The following FBXL13 variants were observed in gnomAD, a reference collection of about 807,000 sequenced individuals.
The protein encoded by FBXL13 is F-box and leucine rich repeat protein 13.
Under a neutral mutation model 83.6 loss-of-function variants are expected in FBXL13, and 67 were observed. The ratio of observed to expected loss-of-function variants is 0.80; its 90% CI spans 0.66 to 0.98. FBXL13 has a LOEUF of 0.98. Ranked by LOEUF, FBXL13 falls within the 50% of genes least tolerant of loss-of-function variation. The pLI is 0.00. For missense variants in FBXL13, 822 were observed against 866.5 expected (o/e 0.95, Z 0.64); for synonymous variants, 272 against 299.5 (o/e 0.91, Z 0.95).
intron 6 of FBXL13, among the ~76,000 whole-genome samples, chr7:102,974,525 G>A (rs769445475): frequency 1.3e-5 from 2 of 151,968 alleles, no homozygotes; most frequent in Non-Finnish European, 2.9e-5. Context: ...TAGAACATTC[G>A]ACTTTACAAT....
At chr7:102,938,459 A>G (rs1457831327) in intron 8 of FBXL13, among the ~76,000 whole-genome samples, 6 of 152,248 alleles carry the variant, frequency 3.9e-5, no homozygotes, top group Admixed American at 2.6e-4. Flanking sequence ...AAATGGGGAA[A>G]TTACCTGGAG....
chr7:102,911,497 G>A (rs1814673995), intron 11 of FBXL13, among the ~76,000 whole-genome samples: 1 of 152,004 alleles, frequency 6.6e-6, no homozygotes, highest in Non-Finnish European at 1.5e-5. Flanking sequence ...TTGGGCCATT[G>A]GCATTTGCTA....
Position 102,861,065 on chromosome 7 carries a change from T to C in FBXL13, c.1636-6205A>G, listed in dbSNP as rs1002803015. Among the ~76,000 whole-genome samples the C allele has an allele frequency of 6.6e-5, 10 of 151,994 alleles. 1 individual carries two copies. Among genetic ancestry groups the C allele is most frequent in the Non-Finnish European group, 1.5e-5 (1 of 67,990 alleles). On this transcript the variant is annotated intron_variant, in intron 16 of 19. Coordinates refer to ENST00000313221, the Ensembl canonical transcript of FBXL13. ...ACTTGAAAATAAGTTTCAGATATCA[T>C]GATGCTTTATCCCTAAATATTTCAT...
In FBXL13 at chr7:102,813,394, A is replaced by T; in HGVS notation, c.2156T>A (p.Leu719Ter). ...TGTTGACTTTTTCACTGTTAATTCTAAGGCTCCTTTAGATGATGTTATGTT... is the reference window on the plus strand; with the variant it reads ...TGTTGACTTTTTCACTGTTAATTCTTAGGCTCCTTTAGATGATGTTATGTT... The change falls in exon 20 of 20, where the codon TTA (leucine) becomes TAA (stop). Residue 719 changes from leucine to a stop codon, truncating the protein, a stop_gained. Transcript: ENST00000313221. LOFTEE classifies it low-confidence loss of function (END_TRUNC). The T allele has an allele frequency of 6.2e-7, 1 of 1,614,032 alleles. No individual in the cohort carries two copies. Among genetic ancestry groups the T allele is most frequent in the African/African-American group, 1.3e-5 (1 of 75,014 alleles).
intron 6 of FBXL13, among the ~76,000 whole-genome samples, chr7:102,981,100 T>G (rs919255678): frequency 6.6e-6 from 1 of 152,166 alleles, no homozygotes; most frequent in Admixed American, 6.5e-5. Context: ...TTGTACCTAC[T>G]GTACTTGTAG....
At chr7:103,028,616 C>T (rs1163271612) in exon 4 of FBXL13, 1 of 1,572,688 alleles carries the variant, frequency 6.4e-7, no homozygotes. Flanking sequence ...GTTTTTCTTT[C>T]TGGTCTTCCA....
At chr7:102,946,573 C>CAA (rs10658185) in intron 8 of FBXL13, among the ~76,000 whole-genome samples, 149,152 of 152,280 alleles carry the variant, frequency 0.98, 73,145 homozygotes, top group East Asian at 1. Context: ...TTACAGGAAA[C>CAA]AGAGAATGGG....
At chr7:102,891,665 TA>T (rs201764270) in intron 11 of FBXL13, among the ~76,000 whole-genome samples, 16 of 151,740 alleles carry the variant, frequency 1.1e-4, no homozygotes, top group East Asian at 3.9e-4. Flanking sequence ...AACCAAACAT[TA>T]AAAAAAAATT....
exon 9 of FBXL13, chr7:102,931,908 C>G: frequency 1.9e-6 from 3 of 1,613,590 alleles, no homozygotes; most frequent in Non-Finnish European, 2.5e-6. Context: ...CAGAGACATT[C>G]AACTCTTGCA....
At chr7:102,954,062 A>G (rs1180454664) in intron 8 of FBXL13, among the ~76,000 whole-genome samples, 5 of 152,154 alleles carry the variant, frequency 3.3e-5, no homozygotes, top group Non-Finnish European at 5.9e-5. Flanking sequence ...TACCTGGTTC[A>G]TCTCACTGGG....
intron 16 of FBXL13, among the ~76,000 whole-genome samples, chr7:102,875,599 G>A (rs906177385): frequency 2.0e-5 from 3 of 152,070 alleles, no homozygotes; most frequent in African/African-American, 4.8e-5. Flanking sequence ...TCCTGTGCTC[G>A]TCATTGTATC....
chr7:102,954,744 A>G (rs1005305865), intron 8 of FBXL13, among the ~76,000 whole-genome samples: 1 of 152,166 alleles, frequency 6.6e-6, no homozygotes, highest in Non-Finnish European at 1.5e-5. Context: ...TTGCCATCCT[A>G]CTCACTGATA....
intron 14 of FBXL13, among the ~76,000 whole-genome samples, chr7:102,880,484 A>G (rs1443763012): frequency 6.6e-6 from 1 of 152,140 alleles, no homozygotes. Flanking sequence ...TGTTTCTAAA[A>G]GTTAGGTTTT....
rs560309570 is a variant in FBXL13 at position 103,004,872 on chromosome 7, G to A, written c.495+20191C>T. Among the ~76,000 whole-genome samples the A allele has an allele frequency of 7.9e-5, 12 of 152,260 alleles. No individual in the cohort carries two copies. In the South Asian group the frequency reaches 2.3e-3, roughly 29 times the overall value. On this transcript the variant is annotated intron_variant, in intron 6 of 19. Coordinates refer to ENST00000313221, the Ensembl canonical transcript of FBXL13. ...AGAGGGGGAGAGTGAAGGCCAGACT[G>A]GTTCTACTCTGCCAGTTTGGAGACG...
At chr7:102,960,387 C>A (rs1385813261) in intron 8 of FBXL13, among the ~76,000 whole-genome samples, 1 of 152,050 alleles carries the variant, frequency 6.6e-6, no homozygotes, top group Non-Finnish European at 1.5e-5. Flanking sequence ...GGATTCACAG[C>A]CGAATTCTAC....
intron 8 of FBXL13, chr7:102,942,324 G>A (rs75774388): frequency 4.5e-5 from 72 of 1,592,688 alleles, no homozygotes; most frequent in Admixed American, 7.0e-5. Context: ...GTAGACTTAC[G>A]TGAATGATTT....
intron 6 of FBXL13, among the ~76,000 whole-genome samples, chr7:102,982,171 T>C (rs1271217293): frequency 6.6e-6 from 1 of 152,184 alleles, no homozygotes; most frequent in Admixed American, 6.5e-5. Context: ...GAGGAGTTCA[T>C]AGTGGTTGGG....
chr7:102,918,299 G>A (rs1816311266), intron 10 of FBXL13, among the ~76,000 whole-genome samples: 1 of 152,034 alleles, frequency 6.6e-6, no homozygotes, highest in African/African-American at 2.4e-5. Context: ...TTCTCTCAAT[G>A]GCAAGAACTA....
exon 1 of FBXL13, chr7:103,074,528 T>A: frequency 8.3e-7 from 1 of 1,205,270 alleles, no homozygotes; most frequent in East Asian, 5.9e-5. Context: ...TCAGCCCTGA[T>A]CGCCTACAAG....
Sources: allele counts gnomAD v4.1 joint callset (sites outside exome capture counted in the v4.1 genomes callset), GRCh38; gene constraint gnomAD v4.1.1; transcripts MANE v1.5; gene names NCBI Gene and HGNC (gene_info 2026-07-23, HGNC 2026-07-21).